The following ERBB4 variants were observed in gnomAD, a reference collection of about 807,000 sequenced individuals.
ERBB4 encodes erb-b2 receptor tyrosine kinase 4.
Under a neutral mutation model 158.0 loss-of-function variants are expected in ERBB4, and 42 were observed. The ratio of observed to expected loss-of-function variants is 0.27; its 90% CI spans 0.21 to 0.34. The LOEUF (loss-of-function observed/expected upper bound fraction) is 0.34, where lower values mean the gene tolerates loss of function less well. Among genes scored for constraint, ERBB4 ranks in the 10% least tolerant of loss-of-function variants. The pLI is 1.00. For synonymous variants in ERBB4, 583 were observed against 558.7 expected (o/e 1.04, Z -0.61); for missense variants, 1,333 against 1,624.1 (o/e 0.82, Z 3.08).
intron 27 of ERBB4, among the ~76,000 whole-genome samples, chr2:211,386,556 T>C (rs2062688230): frequency 6.6e-6 from 1 of 152,208 alleles, no homozygotes; most frequent in Non-Finnish European, 1.5e-5. Flanking sequence ...CAACAAAATA[T>C]GTTTAGAATA....
chr2:211,783,053 G>A (rs1173085429), intron 4 of ERBB4, among the ~76,000 whole-genome samples: 2 of 152,054 alleles, frequency 1.3e-5, no homozygotes, highest in Non-Finnish European at 2.9e-5. Context: ...ATTGAGCAGT[G>A]GTTTGTAGTT....
At chr2:212,387,872 G>T (rs72933168) in intron 1 of ERBB4, among the ~76,000 whole-genome samples, 2 of 151,932 alleles carry the variant, frequency 1.3e-5, no homozygotes, top group African/African-American at 4.8e-5. Flanking sequence ...GATGATTAAC[G>T]GCAAAGATGG....
chr2:212,125,141 T>C lies in ERBB4; in HGVS notation c.83-238A>G, dbSNP rs10189157. 2,204 of 511,386 alleles carry C rather than the reference T, an allele frequency of 4.3e-3. 31 individuals are homozygous for C. Among genetic ancestry groups the C allele is most frequent in the African/African-American group, 0.039 (2,010 of 52,128 alleles). 31.7% of individuals were successfully genotyped at this position (511,386 alleles called of 1,614,324 possible). ...AAGGCATAGATTCCACAGAAATATA[T>C]AGCAAGGAGATAAACTTAATCCCAT... On this transcript the variant is annotated intron_variant, in intron 1 of 27. Coordinates refer to ENST00000342788, the MANE Select transcript of ERBB4 (RefSeq NM_005235.3).
At chr2:212,473,591 T>G (rs550796841) in intron 1 of ERBB4, among the ~76,000 whole-genome samples, 81 of 152,254 alleles carry the variant, frequency 5.3e-4, no homozygotes, top group Non-Finnish European at 5.9e-4. Flanking sequence ...CTTTTTCAAA[T>G]GTTACTAACC....
chr2:211,443,766 C>T (rs2064043607), intron 20 of ERBB4, among the ~76,000 whole-genome samples: 1 of 151,970 alleles, frequency 6.6e-6, no homozygotes, highest in African/African-American at 2.4e-5. Flanking sequence ...CTGCCAATAT[C>T]TTCATCTATA....
At chr2:212,079,654 C>T (rs2078377799) in intron 2 of ERBB4, among the ~76,000 whole-genome samples, 1 of 151,912 alleles carries the variant, frequency 6.6e-6, no homozygotes. Flanking sequence ...AAATAAATAT[C>T]ATCATAGATG....
At chr2:212,172,573 T>C (rs1240359309) in intron 1 of ERBB4, among the ~76,000 whole-genome samples, 2 of 152,106 alleles carry the variant, frequency 1.3e-5, no homozygotes, top group African/African-American at 2.4e-5. Flanking sequence ...TGTATATGTG[T>C]ATATACACCA....
At chr2:212,229,388 G>A (rs1405573238) in intron 1 of ERBB4, among the ~76,000 whole-genome samples, 1 of 152,166 alleles carries the variant, frequency 6.6e-6, no homozygotes, top group Non-Finnish European at 1.5e-5. Flanking sequence ...GATGGGCAAT[G>A]GTGCTCTAGG....
intron 1 of ERBB4, among the ~76,000 whole-genome samples, chr2:212,310,379 A>G (rs2086986810): frequency 6.6e-6 from 1 of 150,760 alleles, no homozygotes; most frequent in African/African-American, 2.4e-5. Context: ...CTATTGGGGA[A>G]CAAGGCGAAA....
At chr2:212,237,585 G>A (rs1053132639) in intron 1 of ERBB4, among the ~76,000 whole-genome samples, 8 of 152,248 alleles carry the variant, frequency 5.3e-5, no homozygotes, top group East Asian at 1.9e-4. Flanking sequence ...GCAGTCTGTC[G>A]CTTATCAGAG....
intron 20 of ERBB4, among the ~76,000 whole-genome samples, chr2:211,509,283 A>G (rs2125609299): frequency 6.6e-6 from 1 of 152,266 alleles, no homozygotes; most frequent in Non-Finnish European, 1.5e-5. Context: ...GCAAACCAAC[A>G]TGACACATGT....
intron 1 of ERBB4, among the ~76,000 whole-genome samples, chr2:212,362,474 C>T (rs184425586): frequency 6.0e-5 from 9 of 150,566 alleles, no homozygotes; most frequent in African/African-American, 7.3e-5. Context: ...TAAAAATTAA[C>T]GTACTCTCTA....
rs561457505 is a variant in ERBB4 at position 211,936,677 on chromosome 2, T to TA, written c.421+10752dup. 4.6e-5 allele frequency among the ~76,000 whole-genome samples: 7 copies of TA among 152,228 alleles called. No homozygotes were observed. The South Asian group carries it at 1.0e-3, about 23-fold the overall frequency. The stretch of plus-strand genomic sequence containing the variant: ...TAACAATCTTCAGATCTATTTGACA[T>TA]ATTATTAAGAGAACAAAGTTTAAGA... On this transcript the variant is annotated intron_variant, in intron 3 of 27. Coordinates refer to ENST00000342788, the MANE Select transcript of ERBB4 (RefSeq NM_005235.3).
At chr2:212,155,363 CCA>C (rs56025850) in intron 1 of ERBB4, among the ~76,000 whole-genome samples, 80,781 of 151,538 alleles carry the variant, frequency 0.53, 22,154 homozygotes, top group Non-Finnish European at 0.58. Context: ...TAGTCATATC[CCA>C]CACCCCAATG....
intron 2 of ERBB4, among the ~76,000 whole-genome samples, chr2:212,096,961 A>G (rs564020962): frequency 1.4e-4 from 21 of 152,258 alleles, no homozygotes; most frequent in African/African-American, 4.8e-4. Context: ...TCCTTCTATT[A>G]AGTTAACGGC....
chr2:212,038,987 G>A (rs2077078524), intron 2 of ERBB4, among the ~76,000 whole-genome samples: 2 of 152,090 alleles, frequency 1.3e-5, no homozygotes, highest in South Asian at 4.1e-4. Context: ...AAGGCATCTG[G>A]CAAATTGGTG....
chr2:212,440,573 G>A (rs2092233239), intron 1 of ERBB4, among the ~76,000 whole-genome samples: 1 of 152,140 alleles, frequency 6.6e-6, no homozygotes, highest in African/African-American at 2.4e-5. Context: ...GAGTGGTTCT[G>A]GAGGAACAGA....
At chr2:212,254,730 A>C (rs1162792596) in intron 1 of ERBB4, among the ~76,000 whole-genome samples, 2 of 152,178 alleles carry the variant, frequency 1.3e-5, no homozygotes, top group Non-Finnish European at 2.9e-5. Context: ...TCTCTCTGAA[A>C]TATTGTGAAT....
chr2:212,129,324 AACCTT>A (rs2080036580), intron 1 of ERBB4, among the ~76,000 whole-genome samples: 9 of 151,694 alleles, frequency 5.9e-5, no homozygotes, highest in African/African-American at 1.7e-4. Context: ...AAGCTTAAAC[AACCTT>A]TGAGAGATGC....
Sources: gnomAD v4.1 joint callset for allele counts (sites outside exome capture counted in the v4.1 genomes callset) on GRCh38, gnomAD v4.1.1 for gene constraint, MANE v1.5 for transcripts, NCBI Gene and HGNC (gene_info 2026-07-23, HGNC 2026-07-21) for gene names.